Variants in KCNG3 observed in about 807,000 individuals in gnomAD.
KCNG3 encodes potassium voltage-gated channel modifier subfamily G member 3.
A neutral mutation model predicts 29.0 loss-of-function variants in KCNG3; 15 were observed. That is an observed-to-expected ratio of 0.52 (90% CI 0.35 to 0.80). The LOEUF is 0.80. Among genes scored for constraint, KCNG3 ranks in the 30% least tolerant of loss-of-function variants. KCNG3 has a pLI of 0.01. For synonymous variants in KCNG3, 322 were observed against 248.9 expected, an observed-to-expected ratio of 1.29 and a Z score of -2.76; for missense variants, 512 against 605.7, an observed-to-expected ratio of 0.85 and a Z score of 1.62.
chr2:42,417,366 G>A, the KCNG3 span, among the ~76,000 whole-genome samples: 1 of 152,128 alleles, frequency 6.6e-6, no homozygotes, highest in South Asian at 2.1e-4. Context: ...TGTCACCTGG[G>A]TTGGAGTGCA....
At chr2:42,397,408 G>T in the KCNG3 span, among the ~76,000 whole-genome samples, 1 of 152,130 alleles carries the variant, frequency 6.6e-6, no homozygotes, top group Non-Finnish European at 1.5e-5. Flanking sequence ...ACACACCATA[G>T]ACAAATAAGC....
At chr2:42,489,289 C>T (rs374649094) in intron 1 of KCNG3, among the ~76,000 whole-genome samples, 58 of 152,244 alleles carry the variant, frequency 3.8e-4, no homozygotes, top group African/African-American at 1.3e-3. Context: ...ACTCCACAGG[C>T]TGAGGTGGGA....
At chr2:42,478,874 T>G (rs1215273350) in intron 1 of KCNG3, among the ~76,000 whole-genome samples, 1 of 152,182 alleles carries the variant, frequency 6.6e-6, no homozygotes, top group African/African-American at 2.4e-5. Flanking sequence ...TTTAATACAT[T>G]ACTAAAACAG....
the KCNG3 span, among the ~76,000 whole-genome samples, chr2:42,408,781 G>A: frequency 1.3e-5 from 2 of 152,152 alleles, no homozygotes; most frequent in African/African-American, 2.4e-5. Flanking sequence ...ACACAAACAG[G>A]GCTGAAACAT....
downstream of KCNG3, among the ~76,000 whole-genome samples, chr2:42,437,355 T>G (rs2103650825): frequency 6.6e-6 from 1 of 152,330 alleles, no homozygotes; most frequent in East Asian, 1.9e-4. Context: ...CTAGAATATT[T>G]ATGTGATTTG....
chr2:42,402,601 A>G, the KCNG3 span, among the ~76,000 whole-genome samples: 1 of 152,202 alleles, frequency 6.6e-6, no homozygotes, highest in African/African-American at 2.4e-5. Flanking sequence ...ATGGTATGGG[A>G]TAGAGATTTT....
At chr2:42,433,751 A>C in the KCNG3 span, among the ~76,000 whole-genome samples, 1 of 152,048 alleles carries the variant, frequency 6.6e-6, no homozygotes, top group Non-Finnish European at 1.5e-5. Flanking sequence ...ACAAAACAAA[A>C]CAAAACAAAA....
intron 1 of KCNG3, among the ~76,000 whole-genome samples, chr2:42,450,077 T>G (rs1046565959): frequency 2.0e-5 from 3 of 152,192 alleles, no homozygotes; most frequent in Non-Finnish European, 2.9e-5. Flanking sequence ...TCTATTAATT[T>G]CAGAAGAGTA....
At chr2:42,468,073 A>G (rs758651348) in intron 1 of KCNG3, among the ~76,000 whole-genome samples, 2 of 152,166 alleles carry the variant, frequency 1.3e-5, no homozygotes, top group African/African-American at 4.8e-5. Flanking sequence ...ACAGATGCAA[A>G]AATTCTACAT....
At chr2:42,413,767 A>C in the KCNG3 span, 1 of 152,560 alleles carries the variant, frequency 6.6e-6, no homozygotes, top group Non-Finnish European at 1.5e-5. Flanking sequence ...TGCCCTGCAA[A>C]AGTGGGGAAA....
At position 42,487,026 on chromosome 2, in the gene KCNG3, G is replaced by A. The variant is rs559783766; in HGVS notation, c.665+5811C>T. 3.9e-4 allele frequency among the ~76,000 whole-genome samples: 59 copies of A among 151,666 alleles called. 2 individuals carry two copies. The South Asian group carries it at 9.8e-3, about 25-fold the overall frequency. ...ACAAAAATTAGCCGGGCATGGTGGC[G>A]GATACCTGTAATCCCAGCTAGTTGG... On this transcript the variant is annotated intron_variant, in intron 1 of 1. Transcript: ENST00000306078.
At chr2:42,425,250 A>T in the KCNG3 span, among the ~76,000 whole-genome samples, 1 of 151,412 alleles carries the variant, frequency 6.6e-6, no homozygotes, top group Non-Finnish European at 1.5e-5. Flanking sequence ...AAAAAAAAAA[A>T]ATTAGCGGGG....
chr2:42,453,929 C>A (rs1672820848), intron 1 of KCNG3, among the ~76,000 whole-genome samples: 1 of 151,888 alleles, frequency 6.6e-6, no homozygotes. Flanking sequence ...ATATGGATGT[C>A]CAGTTTTCCC....
rs1672527606 is a variant in KCNG3, at chr2:42,443,329, T to A, written c.*605A>T. On this transcript the variant is annotated 3_prime_UTR_variant, in exon 2 of 2. Transcript: ENST00000306078. ...GCTTCCATGAAGCGGCACGATAAGG[T>A]GAATAATTGGCACAAAAATAAAGCA... 1 of 152,584 alleles carries A rather than the reference T, an allele frequency of 6.6e-6. No individual in the cohort carries two copies. 9.5% of individuals were successfully genotyped at this position (152,584 alleles called of 1,614,324 possible).
chr2:42,492,968 C>T lies in KCNG3; in HGVS notation c.534G>A (p.Val178=). Residue 178 remains valine, a synonymous_variant, in exon 1 of 2, where the codon GTG becomes GTA. Coordinates refer to ENST00000306078, the MANE Select transcript of KCNG3 (RefSeq NM_133329.6). ...CCACCATGGACACGATCACGAACACCACCGACACGCTAGCCAGGATCTGCG... is the reference window on the plus strand; with the variant it reads ...CCACCATGGACACGATCACGAACACTACCGACACGCTAGCCAGGATCTGCG... ...LAAQILASVS[V]VFVIVSMVVL... 6.4e-7 allele frequency: 1 copy of T among 1,563,742 alleles called. No individual in the cohort carries two copies. Among genetic ancestry groups the T allele is most frequent in the Non-Finnish European group, 8.6e-7 (1 of 1,158,788 alleles).
the KCNG3 span, among the ~76,000 whole-genome samples, chr2:42,409,699 CAAAAAAAAAAAAAAA>C: frequency 3.8e-5 from 2 of 51,992 alleles, no homozygotes; most frequent in Non-Finnish European, 7.9e-5. Flanking sequence ...GTGCCTGTCT[CAAAAAAAAAAAAAAA>C]AAAAAAAAAA....
chr2:42,401,586 T>A, the KCNG3 span, among the ~76,000 whole-genome samples: 366 of 152,082 alleles, frequency 2.4e-3, 2 homozygotes, highest in Non-Finnish European at 3.6e-3. Flanking sequence ...GGGCCACAAG[T>A]GCACACAACT....
At chr2:42,471,624 T>C (rs995360854) in intron 1 of KCNG3, among the ~76,000 whole-genome samples, 1 of 152,156 alleles carries the variant, frequency 6.6e-6, no homozygotes, top group African/African-American at 2.4e-5. Context: ...CTTGAAATGG[T>C]AAATTTTGTT....
chr2:42,463,265 G>A (rs1673062801), intron 1 of KCNG3: 2 of 267,820 alleles, frequency 7.5e-6, no homozygotes, highest in African/African-American at 2.3e-5. Flanking sequence ...AACCTATCAG[G>A]CTAGGGTTGT....
Sources: gnomAD v4.1 joint callset for allele counts (sites outside exome capture counted in the v4.1 genomes callset) on GRCh38, gnomAD v4.1.1 for gene constraint, MANE v1.5 for transcripts, NCBI Gene and HGNC (gene_info 2026-07-23, HGNC 2026-07-21) for gene names.